Variants in FCRL2 observed in about 807,000 individuals in gnomAD.
FCRL2 encodes the protein Fc receptor-like protein 2.
In FCRL2, 48 loss-of-function variants were observed where a neutral mutation model predicts 59.8. The observed-to-expected ratio is 0.80, with a 90% CI of 0.64 to 1.02. The LOEUF is 1.02. Ranked by LOEUF, FCRL2 falls within the 50% of genes least tolerant of loss-of-function variation. The pLI is 0.00. For missense variants in FCRL2, 658 were observed against 597.3 expected (o/e 1.10, Z -1.06); for synonymous variants, 251 against 229.5 (o/e 1.09, Z -0.85).
intron 2 of FCRL2, 44 bp from the exon 3 acceptor site, chr1:157,770,710 A>G: frequency 1.2e-6 from 2 of 1,608,022 alleles, no homozygotes; most frequent in Non-Finnish European, 1.7e-6. Flanking sequence ...TTCTGCAGAG[A>G]ACCCAGACAG....
chr1:157,764,243 C>A (rs1228938238), intron 7 of FCRL2, among the ~76,000 whole-genome samples: 4 of 150,344 alleles, frequency 2.7e-5, no homozygotes, highest in Non-Finnish European at 5.9e-5. Flanking sequence ...GAAAAAAAAA[C>A]ACAAAAATAA....
At chr1:157,765,998 A>G (rs1649461692) in intron 7 of FCRL2, among the ~76,000 whole-genome samples, 1 of 152,188 alleles carries the variant, frequency 6.6e-6, no homozygotes, top group South Asian at 2.1e-4. Context: ...TATGTGCTCT[A>G]GTTGACTCTC....
At chr1:157,757,432 G>A (rs949940957) in intron 7 of FCRL2, among the ~76,000 whole-genome samples, 1 of 151,954 alleles carries the variant, frequency 6.6e-6, no homozygotes, top group Non-Finnish European at 1.5e-5. Flanking sequence ...CACGTGTATA[G>A]GTATGTAACA....
At chr1:157,766,780 T>C in intron 7 of FCRL2, 75 bp downstream of exon 7, 1 of 1,577,206 alleles carries the variant, frequency 6.3e-7, no homozygotes, top group Non-Finnish European at 8.6e-7. Context: ...CTCTCTTCTT[T>C]TTTTGTAATT....
chr1:157,776,127 T>C (rs1403289901), intron 1 of FCRL2, among the ~76,000 whole-genome samples: 2 of 152,150 alleles, frequency 1.3e-5, no homozygotes, highest in African/African-American at 4.8e-5. Flanking sequence ...AAGTGGTAGA[T>C]AGACATGACA....
At chr1:157,760,680 AAAGAAAGAAAGAAAGAAG>A (rs1648965675) in intron 7 of FCRL2, among the ~76,000 whole-genome samples, 1 of 117,426 alleles carries the variant, frequency 8.5e-6, no homozygotes, top group African/African-American at 4.3e-5. Context: ...GGAAGGAAGG[AAAGAAAGAAAGAAAGAAG>A]GAAAGAAAGA....
In FCRL2 at chr1:157,746,739, T is replaced by A. The variant is rs760116923; in HGVS notation, c.1524A>T (p.Ser508=). The A allele has an allele frequency of 6.2e-7, 1 of 1,613,780 alleles. No homozygotes were observed. The highest frequency in any genetic ancestry group is 8.5e-7 in the Non-Finnish European group (1 of 1,179,680). The part of the protein sequence containing the change: ...SQVIYSSVKK[S] ...TCCCTTCTGATTCCTCCAAGTGTTA[T>A]GATTTCTTCACAGAAGAGTAGATGA... is the stretch of plus-strand genomic sequence containing the variant. The change falls in exon 12 of 12, where the codon TCA becomes TCT. Residue 508 remains serine, a synonymous_variant. Coordinates refer to ENST00000361516, the MANE Select transcript of FCRL2 (RefSeq NM_030764.4).
At chr1:157,757,708 A>G (rs1448788998) in intron 7 of FCRL2, among the ~76,000 whole-genome samples, 2 of 152,224 alleles carry the variant, frequency 1.3e-5, no homozygotes, top group Non-Finnish European at 2.9e-5. Flanking sequence ...TACACCTGTA[A>G]TCCCAGCACT....
chr1:157,764,029 C>CAAAAAAAAAAAAAAA (rs34230382), intron 7 of FCRL2, among the ~76,000 whole-genome samples: 1 of 103,254 alleles, frequency 9.7e-6, no homozygotes, highest in African/African-American at 4.1e-5. Flanking sequence ...GACTTCATCT[C>CAAAAAAAAAAAAAAA]AAAAAAAAAA....
chr1:157,762,926 T>C (rs1649211353), intron 7 of FCRL2, among the ~76,000 whole-genome samples: 1 of 152,148 alleles, frequency 6.6e-6, no homozygotes, highest in South Asian at 2.1e-4. Flanking sequence ...CCCAGCCCTG[T>C]AAGAAATGCT....
At chr1:157,769,772 A>G in intron 4 of FCRL2, 94 bp downstream of exon 4, 1 of 1,443,744 alleles carries the variant, frequency 6.9e-7, no homozygotes, top group East Asian at 2.3e-5. Context: ...TTCCTCAAGG[A>G]CAGGAGTTGA....
At chr1:157,764,193 A>T (rs1225526024) in intron 7 of FCRL2, among the ~76,000 whole-genome samples, 1 of 152,012 alleles carries the variant, frequency 6.6e-6, no homozygotes, top group South Asian at 2.1e-4. Flanking sequence ...ACAGAGCAAG[A>T]CTCTGCCTCA....
At chr1:157,765,491 A>G (rs1649422231) in intron 7 of FCRL2, among the ~76,000 whole-genome samples, 1 of 152,228 alleles carries the variant, frequency 6.6e-6, no homozygotes, top group Non-Finnish European at 1.5e-5. Context: ...TACAACCAAA[A>G]AAGAAAACTA....
intron 2 of FCRL2, 43 bp from the exon 3 acceptor site, chr1:157,770,709 G>C (rs749520199): frequency 9.3e-6 from 15 of 1,608,114 alleles, no homozygotes; most frequent in Middle Eastern, 3.3e-4. Context: ...TTTCTGCAGA[G>C]AACCCAGACA....
At position 157,748,237 on chromosome 1, in the gene FCRL2, C is replaced by A. The variant is rs543727628; in HGVS notation, c.1459+316G>T. 2.0e-5 allele frequency among the ~76,000 whole-genome samples: 3 copies of A among 152,100 alleles called. No individual in the cohort carries two copies. In the East Asian group the frequency reaches 5.8e-4, roughly 29 times the overall value. ...AGTTTGAATCCAGCCATGGTGAAAC[C>A]CTGTCTCTACTAAAAATACAAAAAT... On this transcript the variant is annotated intron_variant, in intron 10 of 11. Transcript: ENST00000361516.
At chr1:157,769,009 T>C (rs557360385) in intron 4 of FCRL2, 338 of 247,264 alleles carry the variant, frequency 1.4e-3, no homozygotes, top group Non-Finnish European at 2.0e-3. Flanking sequence ...GCACAGAATA[T>C]AGAGGGGCAC....
At chr1:157,774,415 T>C in intron 2 of FCRL2, 2 of 456,444 alleles carry the variant, frequency 4.4e-6, no homozygotes, top group Non-Finnish European at 8.8e-6. Context: ...TAAGTCCTGC[T>C]CTTTCCAGTA....
At position 157,767,522 on chromosome 1, in the gene FCRL2, G is replaced by T; in HGVS notation, c.884-13C>A. The T allele has an allele frequency of 3.1e-6, 5 of 1,614,256 alleles. No individual in the cohort carries two copies. Among genetic ancestry groups the T allele is most frequent in the Non-Finnish European group, 3.4e-6 (4 of 1,180,048 alleles). ...CGAGACACTGGAACTGACAGACACA[G>T]AGGGGCTATCAGAAAAGATTTGTGA... On this transcript the variant is annotated splice_polypyrimidine_tract_variant and intron_variant, in intron 5 of 11. Transcript: ENST00000361516.
intron 2 of FCRL2, among the ~76,000 whole-genome samples, chr1:157,772,133 A>T (rs1357542501): frequency 6.6e-6 from 1 of 151,176 alleles, no homozygotes; most frequent in African/African-American, 2.4e-5. Flanking sequence ...ACTAGATCTC[A>T]TGGAAACGCC....
Sources: gnomAD v4.1 joint callset for allele counts (sites outside exome capture counted in the v4.1 genomes callset) on GRCh38, gnomAD v4.1.1 for gene constraint, MANE v1.5 for transcripts, NCBI Gene and HGNC (gene_info 2026-07-23, HGNC 2026-07-21) for gene names.